The following EFR3A variants were observed in gnomAD, a reference collection of about 807,000 sequenced individuals.
EFR3A encodes EFR3 homolog A.
EFR3A carries 76 observed loss-of-function variants against 104.4 expected under a neutral mutation model. The ratio of observed to expected loss-of-function variants is 0.73; its 90% CI spans 0.60 to 0.88. The LOEUF is 0.88. EFR3A is among the 40% of genes least tolerant of loss of function. The pLI is 0.00. For synonymous variants in EFR3A, 330 were observed against 330.0 expected (o/e 1.00, Z 0.00); for missense variants, 985 against 1,012.5 (o/e 0.97, Z 0.37).
intron 1 of EFR3A, chr8:131,940,210 C>T: frequency 6.1e-6 from 2 of 329,574 alleles, no homozygotes; most frequent in Non-Finnish European, 1.1e-5. Flanking sequence ...CAGATGACAT[C>T]AGAAAGGAGG....
chr8:132,004,181 A>C (rs1333433625), intron 22 of EFR3A, among the ~76,000 whole-genome samples: 1 of 152,138 alleles, frequency 6.6e-6, no homozygotes, highest in Non-Finnish European at 1.5e-5. Flanking sequence ...TTAAGTTGAG[A>C]ATCACTCATT....
In EFR3A at chr8:131,930,005, C is replaced by T. The variant is rs1216473827; in HGVS notation, c.11-10494C>T. Among the ~76,000 whole-genome samples the T allele has an allele frequency of 2.6e-5, 4 of 152,202 alleles. No individual in the cohort carries two copies. The East Asian group carries it at 7.7e-4, about 29-fold the overall frequency. ...CAAGTTAGCAGAGCAAACACATTGA[C>T]CAAGCCTTTTGCAAGGAAGGCACAT... On this transcript the variant is annotated intron_variant, in intron 1 of 22. Transcript: ENST00000254624.
In EFR3A at chr8:131,986,212, A is replaced by G. The variant is rs112826074; in HGVS notation, c.1888A>G (p.Met630Val). 13 of 1,593,490 alleles carry G rather than the reference A, an allele frequency of 8.2e-6. No individual in the cohort carries two copies. The highest frequency in any genetic ancestry group is 2.7e-5 in the African/African-American group (2 of 74,252). The change falls in exon 17 of 23, where the codon ATG (methionine) becomes GTG (valine). Residue 630 changes from methionine (M) to valine (V), a missense_variant. Coordinates refer to ENST00000254624, the MANE Select transcript of EFR3A (RefSeq NM_015137.6). ...TTTTTAGGTTATTGAAATTCGAACT[A>G]TGGAAGCCCCTTATTTTCTACCAGA... ...HVSKVIEIRT[M>V]EAPYFLPEHI...
rs200287701 is a variant in EFR3A, at chr8:131,913,464, G to GTT, written c.10+9152_10+9153dup. Among the ~76,000 whole-genome samples the GTT allele has an allele frequency of 8.1e-3, 1,196 of 147,172 alleles. 13 individuals carry two copies. The highest frequency in any genetic ancestry group is 0.028 in the African/African-American group (1,135 of 40,152). The stretch of plus-strand genomic sequence containing the variant: ...TATGGAGGAAGGAAACACTAGTCAG[G>GTT]TTTTTTTTTTTAATTTTACTTCTGA... On this transcript the variant is annotated intron_variant, in intron 1 of 22. Coordinates refer to ENST00000254624, the MANE Select transcript of EFR3A (RefSeq NM_015137.6).
chr8:131,942,678 T>A (rs1309759357), intron 2 of EFR3A, among the ~76,000 whole-genome samples: 13 of 152,014 alleles, frequency 8.6e-5, no homozygotes, highest in Admixed American at 8.5e-4. Flanking sequence ...AATATAATAG[T>A]GGAGATAAGT....
chr8:131,974,118 A>G (rs1327352190), intron 10 of EFR3A, among the ~76,000 whole-genome samples: 2 of 152,206 alleles, frequency 1.3e-5, no homozygotes, highest in Non-Finnish European at 2.9e-5. Context: ...TTAGAAAAGT[A>G]CTGATGCTTG....
At chr8:131,944,512 A>C (rs1818323946) in intron 2 of EFR3A, among the ~76,000 whole-genome samples, 1 of 152,076 alleles carries the variant, frequency 6.6e-6, no homozygotes, top group South Asian at 2.1e-4. Flanking sequence ...AAGATGTTAG[A>C]GTCTAATTCA....
At position 131,927,139 on chromosome 8, in the gene EFR3A, A is replaced by G. The variant is rs191381211; in HGVS notation, c.11-13360A>G. Among the ~76,000 whole-genome samples the G allele has an allele frequency of 1.2e-4, 19 of 152,240 alleles. No individual in the cohort carries two copies. In the East Asian group the frequency reaches 2.9e-3, roughly 23 times the overall value. The stretch of plus-strand genomic sequence containing the variant: ...AATAGATCAATAAGTTATTAACCCA[A>G]ATGGTAATGGTTGTGGCAGCAGAGA... On this transcript the variant is annotated intron_variant, in intron 1 of 22. Coordinates refer to ENST00000254624, the MANE Select transcript of EFR3A (RefSeq NM_015137.6).
intron 22 of EFR3A, 149 bp downstream of exon 22, chr8:132,003,434 C>T (rs1821888340): frequency 1.3e-6 from 1 of 744,254 alleles, no homozygotes; most frequent in South Asian, 2.3e-5. Flanking sequence ...ATAGGTGATC[C>T]TTTGCTTAAT....
intron 22 of EFR3A, among the ~76,000 whole-genome samples, chr8:132,009,483 CAT>C (rs796302307): frequency 1.3e-5 from 2 of 152,020 alleles, no homozygotes; most frequent in African/African-American, 4.8e-5. Context: ...GGTAGAAAAA[CAT>C]ATGACAGATC....
chr8:131,990,572 T>C (rs1314766163), intron 18 of EFR3A, among the ~76,000 whole-genome samples: 2 of 152,206 alleles, frequency 1.3e-5, no homozygotes, highest in Non-Finnish European at 2.9e-5. Context: ...TAGTTTGAAC[T>C]CTGTTCTGAA....
At chr8:131,921,280 T>A (rs1817008173) in intron 1 of EFR3A, among the ~76,000 whole-genome samples, 1 of 152,156 alleles carries the variant, frequency 6.6e-6, no homozygotes, top group Non-Finnish European at 1.5e-5. Context: ...CCCTGGCTTT[T>A]ATATAGCCAT....
chr8:131,966,780 A>C (rs564847419), intron 8 of EFR3A, among the ~76,000 whole-genome samples: 2 of 152,236 alleles, frequency 1.3e-5, no homozygotes, highest in East Asian at 3.9e-4. Context: ...TCATCTGTTA[A>C]CATTGCCTTA....
Position 131,949,997 on chromosome 8 carries a change from A to G in EFR3A, c.395A>G (p.Asp132Gly). 6.3e-7 allele frequency: 1 copy of G among 1,599,594 alleles called. No homozygotes were observed. Among genetic ancestry groups the G allele is most frequent in the Non-Finnish European group, 8.5e-7 (1 of 1,174,996 alleles). The stretch of plus-strand genomic sequence containing the variant: ...GTCAAATTTGCAAATATTGAAGAAG[A>G]CACACCATCCTATCACAGACGTTAT... ...SFVKFANIEE[D>G]TPSYHRRYDF... The change falls in exon 5 of 23, where the codon GAC becomes GGC. Residue 132 changes from aspartate (D) to glycine (G), a missense_variant. Transcript: ENST00000254624.
intron 9 of EFR3A, among the ~76,000 whole-genome samples, chr8:131,969,459 T>C (rs1819929959): frequency 6.6e-6 from 1 of 151,940 alleles, no homozygotes; most frequent in Admixed American, 6.6e-5. Context: ...TTATTTATAA[T>C]ACCTAATGCA....
At chr8:131,913,132 G>GT (rs5895116) in intron 1 of EFR3A, among the ~76,000 whole-genome samples, 2,289 of 132,244 alleles carry the variant, frequency 0.017, 38 homozygotes, top group African/African-American at 0.044. Context: ...TTATTTTTCT[G>GT]TTTTTTTTTT....
At chr8:132,002,764 C>G in intron 21 of EFR3A, 58 bp downstream of exon 21, 3 of 1,373,478 alleles carry the variant, frequency 2.2e-6, no homozygotes, top group Non-Finnish European at 3.1e-6. Flanking sequence ...GGAAACTCTT[C>G]CTTGGTGATT....
chr8:131,913,593 G>C (rs951178749), intron 1 of EFR3A, among the ~76,000 whole-genome samples: 3 of 152,010 alleles, frequency 2.0e-5, no homozygotes, highest in Admixed American at 2.0e-4. Context: ...TTTATTCTTA[G>C]TTGGTGAGTT....
At chr8:131,933,643 A>G (rs1033668366) in intron 1 of EFR3A, among the ~76,000 whole-genome samples, 1 of 152,092 alleles carries the variant, frequency 6.6e-6, no homozygotes, top group Non-Finnish European at 1.5e-5. Context: ...AATAAATATG[A>G]TAATATACAG....
Sources: gnomAD v4.1 joint callset for allele counts (sites outside exome capture counted in the v4.1 genomes callset) on GRCh38, gnomAD v4.1.1 for gene constraint, MANE v1.5 for transcripts, NCBI Gene and HGNC (gene_info 2026-07-23, HGNC 2026-07-21) for gene names.